Variants in RNF157 observed in about 807,000 individuals in gnomAD.
RNF157 encodes the protein E3 ubiquitin ligase RNF157.
RNF157 carries 55 observed loss-of-function variants against 88.3 expected under a neutral mutation model. The observed-to-expected ratio is 0.62, with a 90% confidence interval of 0.50 to 0.78. The LOEUF is 0.78. RNF157 is among the 30% of genes least tolerant of loss of function. RNF157 has a pLI of 0.00. For missense variants in RNF157, 788 were observed against 860.8 expected, an observed-to-expected ratio of 0.92 and a Z score of 1.06; for synonymous variants, 334 against 341.2, an observed-to-expected ratio of 0.98 and a Z score of 0.23.
Position 76,214,853 on chromosome 17 carries a change from G to A in RNF157, c.89-2371C>T, listed in dbSNP as rs150807809. On this transcript the variant is annotated intron_variant, in intron 1 of 18. Transcript: ENST00000269391. ...CAAGGAACTGTGACAGGATATGATG[G>A]AACTGAGAAGTCACCAAAGGAGGCT... 9.3e-4 allele frequency among the ~76,000 whole-genome samples: 141 copies of A among 152,278 alleles called. 3 individuals carry two copies. In the East Asian group the frequency reaches 0.024, roughly 26 times the overall value.
At chr17:76,226,422 C>A (rs2070087198) in intron 1 of RNF157, 1 of 1,597,324 alleles carries the variant, frequency 6.3e-7, no homozygotes, top group East Asian at 2.2e-5. Context: ...TTATTAGTCT[C>A]CTGGACTAGG....
chr17:76,178,316 C>G (rs1390330420), intron 2 of RNF157, among the ~76,000 whole-genome samples: 2 of 152,242 alleles, frequency 1.3e-5, no homozygotes, highest in African/African-American at 2.4e-5. Flanking sequence ...ACCGGGAGAG[C>G]TGCTTGCAGT....
chr17:76,153,534 G>A (rs2068714185), intron 17 of RNF157: 1 of 152,310 alleles, frequency 6.6e-6, no homozygotes, highest in Non-Finnish European at 1.5e-5. Context: ...AGCAGCAGGG[G>A]GAAGAGTCTG....
intron 5 of RNF157, 151 bp downstream of exon 5, chr17:76,166,857 AG>A (rs2068933739): frequency 7.6e-6 from 5 of 655,096 alleles, no homozygotes; most frequent in Non-Finnish European, 1.3e-5. Context: ...CAAAATAAGC[AG>A]AGCTTTAAAA....
intron 13 of RNF157, 25 bp from the exon 14 acceptor site, chr17:76,156,346 A>T: frequency 9.9e-6 from 16 of 1,613,784 alleles, no homozygotes; most frequent in Non-Finnish European, 1.4e-5. Context: ...GGGACACAAC[A>T]GGACATGGAG....
chr17:76,159,228 G>C, intron 12 of RNF157, 107 bp downstream of exon 12: 1 of 947,698 alleles, frequency 1.1e-6, no homozygotes, highest in Non-Finnish European at 1.7e-6. Context: ...GAACAGCCCA[G>C]AGGGTTACTC....
chr17:76,196,639 G>A lies in RNF157; in HGVS notation c.207+15725C>T, dbSNP rs548502627. Among the ~76,000 whole-genome samples the A allele has an allele frequency of 3.9e-5, 6 of 152,170 alleles. No homozygotes were observed. The South Asian group carries it at 6.2e-4, about 16-fold the overall frequency. The stretch of plus-strand genomic sequence containing the variant: ...TACGGGAGTGTAGTCATGTGCTGGC[G>A]TCCCAACCTTCCCCAACTCCCTCCC... On this transcript the variant is annotated intron_variant, in intron 2 of 18. Transcript: ENST00000269391.
chr17:76,202,128 TCACA>T (rs60491535), intron 2 of RNF157, among the ~76,000 whole-genome samples: 14,468 of 134,282 alleles, frequency 0.11, 798 homozygotes, highest in South Asian at 0.15. Context: ...TCTCTCTCTC[TCACA>T]CACACACACA....
intron 1 of RNF157, chr17:76,226,519 A>G (rs1030730199): frequency 6.2e-7 from 1 of 1,613,376 alleles, no homozygotes; most frequent in Non-Finnish European, 8.5e-7. Context: ...ACAGGGCACC[A>G]AAGTCGAACT....
chr17:76,199,388 C>T (rs2069532738), intron 2 of RNF157, among the ~76,000 whole-genome samples: 1 of 152,028 alleles, frequency 6.6e-6, no homozygotes, highest in South Asian at 2.1e-4. Context: ...TCTTGAGTAG[C>T]TGGGACTATA....
intron 1 of RNF157, among the ~76,000 whole-genome samples, chr17:76,232,857 G>T (rs1023511547): frequency 5.3e-5 from 8 of 152,020 alleles, no homozygotes; most frequent in African/African-American, 1.9e-4. Context: ...CTGATGTTGA[G>T]TATCTTTCCA....
intron 16 of RNF157, 35 bp from the exon 17 acceptor site, chr17:76,154,363 G>A (rs961970924): frequency 6.8e-7 from 1 of 1,470,640 alleles, no homozygotes. Context: ...AGTCTATGAA[G>A]CGGCAAAATG....
intron 18 of RNF157, among the ~76,000 whole-genome samples, chr17:76,149,425 G>T (rs2068639040): frequency 6.6e-6 from 1 of 152,070 alleles, no homozygotes; most frequent in South Asian, 2.1e-4. Context: ...TCTGACGGGA[G>T]AGAGCTGGCC....
chr17:76,225,894 C>T (rs950621440), intron 1 of RNF157: 17 of 1,613,540 alleles, frequency 1.1e-5, no homozygotes, highest in Non-Finnish European at 1.4e-5. Context: ...CCAGTGAGAG[C>T]CTCCTGCTCC....
intron 1 of RNF157, among the ~76,000 whole-genome samples, chr17:76,216,660 G>T (rs1176935025): frequency 6.6e-6 from 1 of 152,058 alleles, no homozygotes; most frequent in Non-Finnish European, 1.5e-5. Context: ...TCAAAGTGGT[G>T]TTGTAAATCT....
chr17:76,198,551 C>T (rs1440643894), intron 2 of RNF157, among the ~76,000 whole-genome samples: 3 of 152,166 alleles, frequency 2.0e-5, no homozygotes, highest in Admixed American at 1.3e-4. Flanking sequence ...TAGATTCTGC[C>T]CCACACTGGT....
chr17:76,185,006 C>G (rs12938489), intron 2 of RNF157, among the ~76,000 whole-genome samples: 2 of 152,078 alleles, frequency 1.3e-5, no homozygotes, highest in Non-Finnish European at 2.9e-5. Context: ...GATAAGGGTA[C>G]GAAAAACCTA....
intron 1 of RNF157, chr17:76,226,416 T>G (rs566762210): frequency 1.3e-6 from 2 of 1,594,022 alleles, no homozygotes; most frequent in East Asian, 2.2e-5. Flanking sequence ...GGCACCTTAT[T>G]AGTCTCCTGG....
intron 6 of RNF157, 27 bp downstream of exon 6, chr17:76,166,434 G>A (rs1208186295): frequency 6.3e-7 from 1 of 1,598,260 alleles, no homozygotes; most frequent in South Asian, 1.1e-5. Context: ...AGTGTGCACA[G>A]CCAAAGAGGA....
Sources: gnomAD v4.1 joint callset for allele counts (sites outside exome capture counted in the v4.1 genomes callset) on GRCh38, gnomAD v4.1.1 for gene constraint, MANE v1.5 for transcripts, NCBI Gene and HGNC (gene_info 2026-07-23, HGNC 2026-07-21) for gene names.